BICRA: variants seen among roughly 807,000 people sequenced by gnomAD.
The protein encoded by BICRA is BRD4-interacting chromatin-remodeling complex-associated protein.
A neutral mutation model predicts 96.9 loss-of-function variants in BICRA; 31 were observed. The ratio of observed to expected loss-of-function variants is 0.32; its 90% CI spans 0.24 to 0.43. BICRA has a LOEUF of 0.43. Ranked by LOEUF, BICRA falls within the 20% of genes least tolerant of loss-of-function variation. The probability of loss-of-function intolerance (pLI) is 1.00; values close to 1 mark genes in which losing one functional copy is unlikely to be tolerated. For synonymous variants in BICRA, 1,350 were observed against 1,071.8 expected (o/e 1.26, Z -5.07); for missense variants, 2,283 against 2,190.3 (o/e 1.04, Z -0.84).
At position 47,673,650 on chromosome 19, in the gene BICRA, C is replaced by T. The variant is rs773749290; in HGVS notation, c.41+35C>T. The T allele has an allele frequency of 4.3e-6, 6 of 1,386,156 alleles. No individual in the cohort carries two copies. The East Asian group carries it at 1.4e-4, about 32-fold the overall frequency. The allele number at this position is 1,386,156 out of a possible 1,614,324, so 85.9% of individuals were successfully genotyped here. On this transcript the variant is annotated intron_variant, in intron 3 of 14. Coordinates refer to ENST00000594866, the MANE Select transcript of BICRA (RefSeq NM_001394372.1). ...GGGCTCCCCACCCCCTGCCCTCTGT[C>T]TCAACCCCCTCCCTTCCCTCCCCTC...
intron 1 of BICRA, among the ~76,000 whole-genome samples, chr19:47,658,280 G>C (rs1316354370): frequency 6.6e-6 from 1 of 152,112 alleles, no homozygotes; most frequent in East Asian, 1.9e-4. Flanking sequence ...TAGCCTTCCT[G>C]AGCCTCAGAG....
At chr19:47,624,988 C>T (rs1054054143) in intron 1 of BICRA, among the ~76,000 whole-genome samples, 1 of 136,894 alleles carries the variant, frequency 7.3e-6, no homozygotes, top group Non-Finnish European at 1.5e-5. Flanking sequence ...GCCACTGCAC[C>T]TGGCTTTTTT....
chr19:47,682,098 T>C lies in BICRA; in HGVS notation c.2229T>C (p.Ala743=). ...PAPATPVAKG[A]GLGPQAPDSQ... ...CAGCCACCCCCGTCGCCAAAGGAGC[T>C]GGCCTCGGCCCTCAGGCCCCCGACA... is the stretch of plus-strand genomic sequence containing the variant. Residue 743 remains alanine (A), a synonymous_variant, in exon 7 of 15, where the codon GCT becomes GCC. Transcript: ENST00000594866. 6.8e-7 allele frequency: 1 copy of C among 1,480,302 alleles called. No homozygotes were observed. Among genetic ancestry groups the C allele is most frequent in the Non-Finnish European group, 9.1e-7 (1 of 1,098,882 alleles). 91.7% of individuals were successfully genotyped at this position (1,480,302 alleles called of 1,614,324 possible).
chr19:47,695,342 T>TCCACC, intron 9 of BICRA, 23 bp from the exon 10 acceptor site: 13 of 630,192 alleles, frequency 2.1e-5, no homozygotes, highest in South Asian at 1.2e-4. Flanking sequence ...AGGCCCTGTC[T>TCCACC]CCCCCACCCC....
chr19:47,698,834 T>TG lies in BICRA; in HGVS notation c.3397+56dup. 4 of 1,480,612 alleles carry TG rather than the reference T, an allele frequency of 2.7e-6. No homozygotes were observed. The highest frequency in any genetic ancestry group is 3.7e-6 in the Non-Finnish European group (4 of 1,081,796). The allele number at this position is 1,480,612 out of a possible 1,614,324, so 91.7% of individuals were successfully genotyped here. On this transcript the variant is annotated intron_variant, in intron 12 of 14. Transcript: ENST00000594866. This position sits in a 1 kb window ranked among gnomAD's most constrained non-coding sequence, Gnocchi z 4.8. ...ATATGTCCCAGGGGACCCCAGCCCG[T>TG]GGGGCGGGGCGTCGCCAGTGTGGAG...
intron 1 of BICRA, among the ~76,000 whole-genome samples, chr19:47,639,704 C>T (rs1369250955): frequency 2.0e-5 from 3 of 146,350 alleles, no homozygotes; most frequent in Non-Finnish European, 4.5e-5. Context: ...CAGTGTGGCA[C>T]CATCATGACT....
chr19:47,669,151 G>A (rs535466834), intron 1 of BICRA, among the ~76,000 whole-genome samples: 2 of 152,006 alleles, frequency 1.3e-5, no homozygotes, highest in African/African-American at 4.8e-5. Flanking sequence ...TACAAGCAGG[G>A]TGCAGAAATC....
Position 47,698,998 on chromosome 19 carries a change from T to C in BICRA, c.3431T>C (p.Leu1144Pro). The C allele has an allele frequency of 6.3e-7, 1 of 1,587,948 alleles. No homozygotes were observed. ...GAGTTTGAGACGGTCTCCACGCAGC[T>C]GCTGAAACGCACCCAGGCCATGCTC... The part of the protein sequence containing the change: ...DEEFETVSTQ[L>P]LKRTQAMLNK... Residue 1144 changes from leucine to proline, a missense_variant, in exon 13 of 15, where the codon CTG (leucine) becomes CCG (proline). Coordinates refer to ENST00000594866, the MANE Select transcript of BICRA (RefSeq NM_001394372.1). This position sits in a 1 kb window ranked among gnomAD's most constrained non-coding sequence, Gnocchi z 4.8.
At chr19:47,643,719 G>A (rs1050597393) in intron 1 of BICRA, among the ~76,000 whole-genome samples, 1 of 152,138 alleles carries the variant, frequency 6.6e-6, no homozygotes, top group African/African-American at 2.4e-5. Flanking sequence ...AGTTAACATC[G>A]GTTGTTTGCC....
chr19:47,671,430 G>A (rs1382342947), intron 2 of BICRA, among the ~76,000 whole-genome samples: 1 of 152,196 alleles, frequency 6.6e-6, no homozygotes, highest in African/African-American at 2.4e-5. Flanking sequence ...AAGAGGGTAA[G>A]GGAACTCCAC....
chr19:47,661,069 G>A (rs915199707), intron 1 of BICRA, among the ~76,000 whole-genome samples: 1 of 151,996 alleles, frequency 6.6e-6, no homozygotes, highest in Non-Finnish European at 1.5e-5. Flanking sequence ...CAAAAAATTA[G>A]CTGGGCGTGG....
intron 9 of BICRA, 103 bp downstream of exon 9, chr19:47,695,183 A>G (rs1973316473): frequency 1.6e-5 from 14 of 849,036 alleles, no homozygotes; most frequent in Non-Finnish European, 2.5e-5. Context: ...GGGACTCAGC[A>G]CAGGGCATCA....
intron 1 of BICRA, among the ~76,000 whole-genome samples, chr19:47,664,812 G>T (rs1468161339): frequency 6.6e-6 from 1 of 152,208 alleles, no homozygotes; most frequent in Non-Finnish European, 1.5e-5. Flanking sequence ...TGGAACTCAG[G>T]GGAACTATGT....
At chr19:47,691,603 G>A (rs1039541483) in intron 7 of BICRA, among the ~76,000 whole-genome samples, 24 of 151,900 alleles carry the variant, frequency 1.6e-4, no homozygotes, top group African/African-American at 2.7e-4. Flanking sequence ...TCACTCTGTC[G>A]CCTAGTCTGG....
chr19:47,651,415 T>C (rs1417322932), intron 1 of BICRA, among the ~76,000 whole-genome samples: 1 of 152,018 alleles, frequency 6.6e-6, no homozygotes, highest in Non-Finnish European at 1.5e-5. Context: ...GGTGGCCACA[T>C]TGCTGCTCCC....
At chr19:47,622,200 G>A (rs1173028524) in intron 1 of BICRA, among the ~76,000 whole-genome samples, 1 of 151,366 alleles carries the variant, frequency 6.6e-6, no homozygotes, top group Admixed American at 6.6e-5. Flanking sequence ...TCCTCACCTT[G>A]TGATCTGCCC....
chr19:47,618,033 T>C (rs1032271380), intron 1 of BICRA, among the ~76,000 whole-genome samples: 9 of 152,204 alleles, frequency 5.9e-5, no homozygotes, highest in Admixed American at 5.9e-4. Flanking sequence ...GTGGTCCTTT[T>C]TCTGTGATCC....
At chr19:47,695,320 T>A in intron 9 of BICRA, 45 bp from the exon 10 acceptor site, 3 of 816,134 alleles carry the variant, frequency 3.7e-6, no homozygotes, top group Non-Finnish European at 6.2e-6. Context: ...GGGGCCTTCA[T>A]GCAGTGACCG....
chr19:47,657,127 C>T (rs1159720911), intron 1 of BICRA, among the ~76,000 whole-genome samples: 3 of 152,130 alleles, frequency 2.0e-5, no homozygotes, highest in African/African-American at 7.2e-5. Context: ...TCCCAAAGTG[C>T]TGGGATTACA....
Sources: allele counts gnomAD v4.1 joint callset (sites outside exome capture counted in the v4.1 genomes callset), GRCh38; gene constraint gnomAD v4.1.1; non-coding constraint Gnocchi (gnomAD v3.1); transcripts MANE v1.5; gene names NCBI Gene and HGNC (gene_info 2026-07-23, HGNC 2026-07-21).